Variants in MYH15 observed in about 807,000 individuals in gnomAD.
The protein encoded by MYH15 is myosin heavy chain 15, also known as myosin-15.
MYH15 carries 227 observed loss-of-function variants against 240.5 expected under a neutral mutation model. The observed-to-expected ratio is 0.94, with a 90% CI of 0.85 to 1.05. MYH15 has a LOEUF of 1.05. Among genes scored for constraint, MYH15 ranks in the 50% least tolerant of loss-of-function variants. The pLI, the probability that MYH15 is intolerant of heterozygous loss-of-function variation, is 0.00. For missense variants in MYH15, 2,217 were observed against 2,247.5 expected (o/e 0.99, Z 0.27); for synonymous variants, 785 against 796.7 (o/e 0.99, Z 0.25).
intron 3 of MYH15, 26 bp from the exon 4 acceptor site, chr3:108,500,300 A>G (rs1415395772): frequency 6.3e-7 from 1 of 1,590,642 alleles, no homozygotes; most frequent in Non-Finnish European, 8.6e-7. Flanking sequence ...AAAAGATTTC[A>G]GAAACTAGAT....
the MYH15 span, among the ~76,000 whole-genome samples, chr3:108,544,707 C>A: frequency 2.0e-5 from 3 of 152,140 alleles, no homozygotes; most frequent in Admixed American, 6.5e-5. Context: ...GGATTCTGTA[C>A]AAATTCCCAA....
intron 37 of MYH15, 97 bp from the exon 38 acceptor site, chr3:108,389,171 A>G: frequency 1.9e-6 from 2 of 1,074,484 alleles, no homozygotes; most frequent in Non-Finnish European, 1.4e-6. Context: ...CAAAGTGTCA[A>G]GGGAACATGC....
intron 28 of MYH15, among the ~76,000 whole-genome samples, chr3:108,420,602 G>A (rs1337513900): frequency 6.6e-6 from 1 of 152,150 alleles, no homozygotes; most frequent in African/African-American, 2.4e-5. Flanking sequence ...CAGATTGAGA[G>A]TTCAAGGGCA....
Position 108,464,763 on chromosome 3 carries a change from T to C in MYH15, c.1606A>G (p.Thr536Ala), listed in dbSNP as rs766623729. ...LEEECMFPKA[T>A]DLTFKTKLFD... ...AGTTTGGTCTTGAAAGTCAGGTCTG[T>C]AGCCTTAGGAAACATACACTCTTCT... Residue 536 changes from threonine to alanine, a missense_variant, in exon 15 of 41, where the codon ACA (threonine) becomes GCA (alanine). Coordinates refer to ENST00000693548, the MANE Select transcript of MYH15 (RefSeq NM_014981.3). 6.2e-7 allele frequency: 1 copy of C among 1,613,900 alleles called. No homozygotes were observed. The highest frequency in any genetic ancestry group is 1.1e-5 in the South Asian group (1 of 91,054).
the MYH15 span, among the ~76,000 whole-genome samples, chr3:108,542,924 A>C: frequency 3.8e-5 from 5 of 132,742 alleles, no homozygotes; most frequent in Admixed American, 8.6e-5. Context: ...TCTGTTGCCC[A>C]GGCTGGAGTG....
chr3:108,479,243 TCA>T (rs2083246042), intron 11 of MYH15, among the ~76,000 whole-genome samples: 1 of 152,222 alleles, frequency 6.6e-6, no homozygotes, highest in Admixed American at 6.5e-5. Context: ...CCCATAAGCA[TCA>T]GTTCCTTCAG....
chr3:108,518,994 G>A (rs1406523463), intron 1 of MYH15, among the ~76,000 whole-genome samples: 1 of 152,168 alleles, frequency 6.6e-6, no homozygotes, highest in East Asian at 1.9e-4. Context: ...TAATAAACAC[G>A]TAGGGAATGA....
intron 31 of MYH15, among the ~76,000 whole-genome samples, chr3:108,409,247 T>C (rs2082570112): frequency 6.6e-6 from 1 of 152,190 alleles, no homozygotes; most frequent in African/African-American, 2.4e-5. Flanking sequence ...CTCTGAGAAG[T>C]GCTCTCCTAA....
chr3:108,494,819 C>T (rs1057449518), intron 7 of MYH15, among the ~76,000 whole-genome samples: 10 of 152,162 alleles, frequency 6.6e-5, no homozygotes, highest in Admixed American at 3.9e-4. Context: ...TGATGTTCTT[C>T]GCTTTCTTCC....
intron 35 of MYH15, among the ~76,000 whole-genome samples, chr3:108,397,954 T>C (rs750897628): frequency 1.3e-5 from 2 of 152,150 alleles, no homozygotes; most frequent in Non-Finnish European, 2.9e-5. Context: ...TCTTCTGGCA[T>C]AAGGCTTATT....
the MYH15 span, among the ~76,000 whole-genome samples, chr3:108,546,322 ACTACT>A: frequency 6.6e-6 from 1 of 152,206 alleles, no homozygotes; most frequent in Non-Finnish European, 1.5e-5. Flanking sequence ...AAAGCATAAC[ACTACT>A]CTAATACATT....
chr3:108,484,635 C>T (rs1288711990), intron 11 of MYH15, among the ~76,000 whole-genome samples: 1 of 152,056 alleles, frequency 6.6e-6, no homozygotes, highest in African/African-American at 2.4e-5. Flanking sequence ...TGCGCAACCA[C>T]GCCTGGCCAA....
In MYH15 at chr3:108,398,695, C is replaced by G; in HGVS notation, c.5075G>C (p.Arg1692Thr). ...TTCCAGGAGCTCTTCTTCTGACAGC[C>G]TGCGGCCACGCTCTGTCTGCTCTTG... ...SLQEQTERGRRLSEEELLEAT... is the reference protein window; with the variant it reads ...SLQEQTERGRTLSEEELLEAT... Residue 1692 changes from arginine to threonine, a missense_variant, in exon 35 of 41, where the codon AGG becomes ACG. Coordinates refer to ENST00000693548, the MANE Select transcript of MYH15 (RefSeq NM_014981.3). 1 of 1,614,050 alleles carries G rather than the reference C, an allele frequency of 6.2e-7. No individual in the cohort carries two copies. The highest frequency in any genetic ancestry group is 8.5e-7 in the Non-Finnish European group (1 of 1,180,044).
At chr3:108,386,110 T>C (rs568617710) in intron 38 of MYH15, among the ~76,000 whole-genome samples, 5 of 152,354 alleles carry the variant, frequency 3.3e-5, no homozygotes, top group African/African-American at 4.8e-5. Flanking sequence ...AAAAGACTCA[T>C]AGCATTATGT....
intron 29 of MYH15, among the ~76,000 whole-genome samples, 174 bp downstream of exon 29, chr3:108,416,638 G>A (rs926180036): frequency 3.3e-5 from 5 of 152,058 alleles, no homozygotes; most frequent in African/African-American, 1.2e-4. Flanking sequence ...TTGAATCACC[G>A]AGGAAGATCC....
At chr3:108,433,087 A>T (rs954371088) in intron 25 of MYH15, among the ~76,000 whole-genome samples, 2 of 152,194 alleles carry the variant, frequency 1.3e-5, no homozygotes, top group East Asian at 3.9e-4. Context: ...GGCAGCTGGG[A>T]GGGAGGCTTT....
intron 8 of MYH15, 76 bp from the exon 9 acceptor site, chr3:108,492,671 G>A (rs1200149214): frequency 5.7e-6 from 6 of 1,053,334 alleles, no homozygotes; most frequent in Non-Finnish European, 8.6e-6. Context: ...ATCAGGCTGA[G>A]CGCAGTGGCT....
the MYH15 span, among the ~76,000 whole-genome samples, chr3:108,545,754 G>GT: frequency 1.0e-3 from 159 of 151,640 alleles, 1 homozygote; most frequent in Admixed American, 2.7e-3. Context: ...CTGAATCATT[G>GT]TTTACAAATA....
At chr3:108,508,750 T>C (rs927398017) in intron 1 of MYH15, among the ~76,000 whole-genome samples, 2 of 152,180 alleles carry the variant, frequency 1.3e-5, no homozygotes, top group African/African-American at 2.4e-5. Flanking sequence ...CTTATAGTTA[T>C]TTTAAATAGA....
Sources: gnomAD v4.1 joint callset for allele counts (sites outside exome capture counted in the v4.1 genomes callset) on GRCh38, gnomAD v4.1.1 for gene constraint, MANE v1.5 for transcripts, NCBI Gene and HGNC (gene_info 2026-07-23, HGNC 2026-07-21) for gene names.